LRRTM1: variants seen among roughly 807,000 people sequenced by gnomAD.
The protein encoded by LRRTM1 is leucine-rich repeat transmembrane neuronal protein 1.
A neutral mutation model predicts 37.3 loss-of-function variants in LRRTM1; 8 were observed. That is an observed-to-expected ratio of 0.21 (90% CI 0.13 to 0.39). The LOEUF is 0.39. LRRTM1 is among the 10% of genes least tolerant of loss of function. LRRTM1 has a pLI of 1.00. For missense variants in LRRTM1, 557 were observed against 691.0 expected (o/e 0.81, Z 2.17); for synonymous variants, 326 against 316.8 (o/e 1.03, Z -0.31).
In LRRTM1 at chr2:80,303,655, G is replaced by C; in HGVS notation, c.165C>G (p.Leu55=). 6.2e-7 allele frequency: 1 copy of C among 1,613,072 alleles called. No homozygotes were observed. The highest frequency in any genetic ancestry group is 2.2e-5 in the East Asian group (1 of 44,830). ...GGTTGTGGGGCGCCTCGGTGAGGTTGAGCGCCTCGCAGTACAGCAGCCGCC... is the reference window on the plus strand; with the variant it reads ...GGTTGTGGGGCGCCTCGGTGAGGTTCAGCGCCTCGCAGTACAGCAGCCGCC... ...CEGRLLYCEA[L]NLTEAPHNLS... Residue 55 remains leucine, a synonymous_variant, in exon 2 of 2, where the codon CTC becomes CTG. Coordinates refer to ENST00000295057, the MANE Select transcript of LRRTM1 (RefSeq NM_178839.5). The surrounding 1 kb of genome is among the most constrained non-coding windows in gnomAD (Gnocchi z 7.7).
In LRRTM1 at chr2:80,303,680, C is replaced by T. The variant is rs752518374; in HGVS notation, c.140G>A (p.Gly47Glu). The change falls in exon 2 of 2, where the codon GGG becomes GAG. Residue 47 changes from glycine (G) to glutamate (E), a missense_variant. Gly to Glu is a moderately conservative substitution (Grantham distance 98). Transcript: ENST00000295057. The surrounding 1 kb of genome is among the most constrained non-coding windows in gnomAD (Gnocchi z 7.7). ...GAGCGCCTCGCAGTACAGCAGCCGC[C>T]CCTCGCACCGGCACAGCTGCGGGCA... The part of the protein sequence containing the change: ...SGCPQLCRCE[G>E]RLLYCEALNL... The T allele has an allele frequency of 4.3e-6, 7 of 1,611,078 alleles. No homozygotes were observed. Among genetic ancestry groups the T allele is most frequent in the Non-Finnish European group, 5.9e-6 (7 of 1,178,340 alleles).
Position 80,303,326 on chromosome 2 carries a change from G to T in LRRTM1, c.494C>A (p.Thr165Lys), listed in dbSNP as rs745448568. ...GATGGCGTTGGCCCGCATATGCAGC[G>T]TGGTGAGCTTCCGCAGCCCGTGGAA... is the stretch of plus-strand genomic sequence containing the variant. The part of the protein sequence containing the change: ...DLFHGLRKLT[T>K]LHMRANAIQF... Residue 165 changes from threonine to lysine, a missense_variant, in exon 2 of 2, where the codon ACG (threonine) becomes AAG (lysine). Physicochemically the swap from Thr to Lys is moderately conservative, Grantham distance 78. Around this residue, in one of 5 missense-constraint regions of LRRTM1, gnomAD observed 200 missense variants for 249.9 expected, o/e 0.80. Transcript: ENST00000295057. The surrounding 1 kb of genome is among the most constrained non-coding windows in gnomAD (Gnocchi z 7.7). 1 of 1,613,890 alleles carries T rather than the reference G, an allele frequency of 6.2e-7. No individual in the cohort carries two copies. Among genetic ancestry groups the T allele is most frequent in the African/African-American group, 1.3e-5 (1 of 75,054 alleles).
Position 80,303,358 on chromosome 2 carries a change from G to T in LRRTM1, c.462C>A (p.Pro154=), listed in dbSNP as rs768455060. ...LSYNKLQALA[P]DLFHGLRKLT... ...GCTTCCGCAGCCCGTGGAAGAGGTC[G>T]GGCGCGAGCGCCTGCAGCTTGTTGT... Residue 154 remains proline, a synonymous_variant, in exon 2 of 2, where the codon CCC becomes CCA. Transcript: ENST00000295057. This position sits in a 1 kb window ranked among gnomAD's most constrained non-coding sequence, Gnocchi z 7.7. 2 of 1,613,952 alleles carry T rather than the reference G, an allele frequency of 1.2e-6. No homozygotes were observed. Among genetic ancestry groups the T allele is most frequent in the South Asian group, 2.2e-5 (2 of 91,088 alleles).
At position 80,303,076 on chromosome 2, in the gene LRRTM1, C is replaced by T; in HGVS notation, c.744G>A (p.Val248=). The change falls in exon 2 of 2, where the codon GTG becomes GTA. Residue 248 remains valine, a synonymous_variant. Transcript: ENST00000295057. The surrounding 1 kb of genome is among the most constrained non-coding windows in gnomAD (Gnocchi z 7.7). ...LCLRRNKVAI[V]VSSLDWVWNL... ...TCCAAACCCAGTCCAGCGAGCTGAC[C>T]ACAATGGCCACCTTGTTCCTCCGCA... 1 of 1,613,960 alleles carries T rather than the reference C, an allele frequency of 6.2e-7. No homozygotes were observed. Among genetic ancestry groups the T allele is most frequent in the Non-Finnish European group, 8.5e-7 (1 of 1,180,022 alleles).
rs530131960 is a variant in LRRTM1, at chr2:80,304,310, C to G, written c.-218G>C. 2.7e-3 allele frequency: 421 copies of G among 153,130 alleles called. 1 individual carries two copies. Among genetic ancestry groups the G allele is most frequent in the Non-Finnish European group, 4.7e-3 (321 of 68,358 alleles). 9.5% of individuals were successfully genotyped at this position (153,130 alleles called of 1,614,324 possible). Reference sequence around the variant, plus strand: ...CAATGTCTCACTTTGCTGCTCGGCTCGGGGCTGCAAGGGCGGCCGGCAAGG... The same window carrying G: ...CAATGTCTCACTTTGCTGCTCGGCTGGGGGCTGCAAGGGCGGCCGGCAAGG... On this transcript the variant is annotated 5_prime_UTR_variant, in exon 1 of 2. Transcript: ENST00000295057.
At position 80,302,718 on chromosome 2, in the gene LRRTM1, C is replaced by T. The variant is rs1389864201; in HGVS notation, c.1102G>A (p.Glu368Lys). Residue 368 changes from glutamate (E) to lysine (K), a missense_variant, in exon 2 of 2, where the codon GAG (glutamate) becomes AAG (lysine). Transcript: ENST00000295057. This position sits in a 1 kb window ranked among gnomAD's most constrained non-coding sequence, Gnocchi z 6.4. ...YAFHLCEDGA[E>K]PTSGHLLSAV... ...GAGAGCAGGTGGCCGCTGGTGGGCTCGGCCCCATCCTCGCACAGGTGGAAG... is the reference window on the plus strand; with the variant it reads ...GAGAGCAGGTGGCCGCTGGTGGGCTTGGCCCCATCCTCGCACAGGTGGAAG... The T allele has an allele frequency of 1.2e-6, 2 of 1,612,740 alleles. No homozygotes were observed. The highest frequency in any genetic ancestry group is 8.5e-7 in the Non-Finnish European group (1 of 1,179,810).
Position 80,302,135 on chromosome 2 carries a change from T to G in LRRTM1, c.*116A>C. Reference sequence around the variant, plus strand: ...TCTCTGGGAGAGATCCCCTTAAAGTTTCAGTCAAGGAGCATATCAGAGCAC... The same window carrying G: ...TCTCTGGGAGAGATCCCCTTAAAGTGTCAGTCAAGGAGCATATCAGAGCAC... On this transcript the variant is annotated 3_prime_UTR_variant, in exon 2 of 2. Transcript: ENST00000295057. The surrounding 1 kb of genome is among the most constrained non-coding windows in gnomAD (Gnocchi z 6.4). The G allele has an allele frequency of 7.6e-7, 1 of 1,312,324 alleles. No homozygotes were observed. The highest frequency in any genetic ancestry group is 1.0e-6 in the Non-Finnish European group (1 of 975,630). The allele number at this position is 1,312,324 out of a possible 1,614,324, so 81.3% of individuals were successfully genotyped here.
rs1220210499 is a variant in LRRTM1 at position 80,304,368 on chromosome 2, C to G, written c.-276G>C. ...GCGACTTCTAGGACCCGCAAGTTTCCCAACTACGTGCCGGAGCCCGAGCTT... is the reference window on the plus strand; with the variant it reads ...GCGACTTCTAGGACCCGCAAGTTTCGCAACTACGTGCCGGAGCCCGAGCTT... On this transcript the variant is annotated 5_prime_UTR_variant, in exon 1 of 2. Coordinates refer to ENST00000295057, the MANE Select transcript of LRRTM1 (RefSeq NM_178839.5). 6.5e-6 allele frequency: 1 copy of G among 152,766 alleles called. No individual in the cohort carries two copies. Among genetic ancestry groups the G allele is most frequent in the Non-Finnish European group, 1.5e-5 (1 of 68,156 alleles). The allele number at this position is 152,766 out of a possible 1,614,324, so 9.5% of individuals were successfully genotyped here.
At chr2:80,293,845 G>A (rs969966483) in intron 2 of LRRTM1, among the ~76,000 whole-genome samples, 2 of 152,118 alleles carry the variant, frequency 1.3e-5, no homozygotes, top group African/African-American at 4.8e-5. Context: ...TGCCTATTTG[G>A]TTGTCTCTTG....
At chr2:80,301,283 C>G (rs575863207), downstream of LRRTM1, among the ~76,000 whole-genome samples, 4 of 152,342 alleles carry the variant, frequency 2.6e-5, no homozygotes, top group African/African-American at 7.2e-5. Flanking sequence ...CAGCCCTAAA[C>G]ATCGGGATTC....
chr2:80,303,415 G>T lies in LRRTM1; in HGVS notation c.405C>A (p.Pro135=). ...ITQLPNTTFR[P]MPNLRSVDLS... is the part of the protein sequence containing the mutation. ...GGTCCACGCTGCGCAGGTTGGGCAT[G>T]GGCCGGAAGGTGGTGTTGGGCAGTT... is the stretch of plus-strand genomic sequence containing the variant. Residue 135 remains proline (P), a synonymous_variant, in exon 2 of 2, where the codon CCC becomes CCA. Transcript: ENST00000295057. This position sits in a 1 kb window ranked among gnomAD's most constrained non-coding sequence, Gnocchi z 7.7. 6.2e-7 allele frequency: 1 copy of T among 1,614,230 alleles called. No individual in the cohort carries two copies.
At chr2:80,291,105 A>G (rs1181742401) in intron 2 of LRRTM1, among the ~76,000 whole-genome samples, 4 of 152,158 alleles carry the variant, frequency 2.6e-5, no homozygotes, top group Non-Finnish European at 5.9e-5. Context: ...TGGAATCTCA[A>G]TTCCCTAGTT....
At chr2:80,296,809 C>A (rs1471321384) in intron 2 of LRRTM1, among the ~76,000 whole-genome samples, 1 of 152,016 alleles carries the variant, frequency 6.6e-6, no homozygotes, top group Non-Finnish European at 1.5e-5. Flanking sequence ...TACTGGATAC[C>A]AGTAGCACCA....
In LRRTM1 at chr2:80,302,229, G is replaced by T. The variant is rs771868837; in HGVS notation, c.*22C>A. ...TGCCCAGGCGTATTTGGTAGCGCAT[G>T]GGTTGAGAGCCACTGGGACAATCAC... On this transcript the variant is annotated 3_prime_UTR_variant, in exon 2 of 2. Transcript: ENST00000295057. The surrounding 1 kb of genome is among the most constrained non-coding windows in gnomAD (Gnocchi z 6.4). The T allele has an allele frequency of 6.2e-7, 1 of 1,602,808 alleles. No individual in the cohort carries two copies. Among genetic ancestry groups the T allele is most frequent in the Non-Finnish European group, 8.5e-7 (1 of 1,174,128 alleles).
Position 80,302,048 on chromosome 2 carries a change from G to A in LRRTM1, c.*203C>T. 1 of 623,636 alleles carries A rather than the reference G, an allele frequency of 1.6e-6. No individual in the cohort carries two copies. The highest frequency in any genetic ancestry group is 2.9e-5 in the East Asian group (1 of 34,544). 38.6% of individuals were successfully genotyped at this position (623,636 alleles called of 1,614,324 possible). A position where few individuals can be genotyped will look rare whatever the true frequency, so the allele number is the denominator to read the frequency against. On this transcript the variant is annotated 3_prime_UTR_variant, in exon 2 of 2. Transcript: ENST00000295057. The surrounding 1 kb of genome is among the most constrained non-coding windows in gnomAD (Gnocchi z 6.4). ...GACTGTCCTGAAGGTTGTGGGGTGG[G>A]GTTTTTTGTTGTGTTTTAATTCGCT...
At chr2:80,295,985 C>T (rs1675704654) in intron 2 of LRRTM1, among the ~76,000 whole-genome samples, 1 of 152,158 alleles carries the variant, frequency 6.6e-6, no homozygotes, top group South Asian at 2.1e-4. Flanking sequence ...GGACTGAGAT[C>T]ATTTCCCTAA....
Position 80,302,650 on chromosome 2 carries a change from C to G in LRRTM1, c.1170G>C (p.Ser390=), listed in dbSNP as rs200884012. The change falls in exon 2 of 2, where the codon TCG becomes TCC. Residue 390 remains serine (S), a synonymous_variant. Coordinates refer to ENST00000295057, the MANE Select transcript of LRRTM1 (RefSeq NM_178839.5). The surrounding 1 kb of genome is among the most constrained non-coding windows in gnomAD (Gnocchi z 6.4). ...NRSDLGPPAS[S]ATTLADGGEG... is the part of the protein sequence containing the mutation. ...CCCCGCCGTCCGCGAGCGTGGTGGC[C>G]GAGCTGGCAGGGGGCCCCAGATCAC... The G allele has an allele frequency of 3.4e-5, 55 of 1,608,878 alleles. No individual in the cohort carries two copies. In the East Asian group the frequency reaches 1.1e-3, roughly 31 times the overall value.
At chr2:80,300,341 T>G (rs1195599818), downstream of LRRTM1, among the ~76,000 whole-genome samples, 1 of 150,274 alleles carries the variant, frequency 6.7e-6, no homozygotes, top group African/African-American at 2.5e-5. Context: ...TGTAAGAAGC[T>G]GTCTCCCAGG....
downstream of LRRTM1, chr2:80,298,745 G>T (rs1675984821): frequency 6.6e-6 from 1 of 152,190 alleles, no homozygotes. Flanking sequence ...ATTTTTAAAT[G>T]GTTGAGAAAA....
Sources: allele counts gnomAD v4.1 joint callset (sites outside exome capture counted in the v4.1 genomes callset), GRCh38; gene constraint gnomAD v4.1.1; regional missense constraint gnomAD v4.1.1; non-coding constraint Gnocchi (gnomAD v3.1); transcripts MANE v1.5; gene names NCBI Gene and HGNC (gene_info 2026-07-23, HGNC 2026-07-21).